The following ADGRE2 variants were observed in gnomAD, a reference collection of about 807,000 sequenced individuals.
The protein encoded by ADGRE2 is adhesion G protein-coupled receptor E2.
ADGRE2 carries 83 observed loss-of-function variants against 100.8 expected under a neutral mutation model. That is an observed-to-expected ratio of 0.82 (90% CI 0.69 to 0.99). The LOEUF (loss-of-function observed/expected upper bound fraction) is 0.99. Among genes scored for constraint, ADGRE2 ranks in the 50% least tolerant of loss-of-function variants. ADGRE2 has a pLI of 0.00. For missense variants in ADGRE2, 814 were observed against 1,035.7 expected, an observed-to-expected ratio of 0.79 and a Z score of 2.94; for synonymous variants, 355 against 413.0, an observed-to-expected ratio of 0.86 and a Z score of 1.70.
downstream of ADGRE2, among the ~76,000 whole-genome samples, chr19:14,729,521 G>A (rs2042654727): frequency 6.6e-6 from 1 of 151,964 alleles, no homozygotes; most frequent in Admixed American, 6.6e-5. Flanking sequence ...ACCATGCCTG[G>A]CTAATATTTT....
At chr19:14,724,554 T>A in the ADGRE2 span, among the ~76,000 whole-genome samples, 2 of 152,110 alleles carry the variant, frequency 1.3e-5, no homozygotes, top group Non-Finnish European at 2.9e-5. Context: ...TCACCTGAGG[T>A]CAGGGGCTCG....
rs549830800 is a variant in ADGRE2, at chr19:14,757,029, A to T, written c.1085-684T>A. On this transcript the variant is annotated intron_variant, in intron 11 of 20. Transcript: ENST00000315576. ...CCAATCCTTCCACCTCAGCCTCCCA[A>T]GTAGCTGGCACTACAGGTGCTCACT... is the stretch of plus-strand genomic sequence containing the variant. Among the ~76,000 whole-genome samples the T allele has an allele frequency of 5.3e-5, 8 of 152,048 alleles. No individual in the cohort carries two copies. In the South Asian group the frequency reaches 1.7e-3, roughly 32 times the overall value.
chr19:14,729,369 T>G (rs527902949), downstream of ADGRE2, among the ~76,000 whole-genome samples: 69 of 152,140 alleles, frequency 4.5e-4, no homozygotes, highest in Non-Finnish European at 8.8e-4. Flanking sequence ...ACTTTTTTTT[T>G]TTGTTTTTTG....
rs1245295901 is a variant in ADGRE2, at chr19:14,736,257, T to C, written c.2464-13A>G. On this transcript the variant is annotated splice_polypyrimidine_tract_variant and intron_variant, in intron 20 of 20. Coordinates refer to ENST00000315576, the MANE Select transcript of ADGRE2 (RefSeq NM_013447.4). ...TTTTCTAGTTAACCTGAAATATATA[T>C]ATATGTATGTATTTTGTTGTTGAGA... The C allele has an allele frequency of 1.3e-6, 2 of 1,499,928 alleles. No homozygotes were observed. Among genetic ancestry groups the C allele is most frequent in the Admixed American group, 3.4e-5 (2 of 58,088 alleles). 92.9% of individuals were successfully genotyped at this position (1,499,928 alleles called of 1,614,324 possible).
rs780140985 is a variant in ADGRE2, at chr19:14,743,527, G to A, written c.2356C>T (p.Arg786Trp). The change falls in exon 20 of 21, where the codon CGG (arginine) becomes TGG (tryptophan). Residue 786 changes from arginine to tryptophan, a missense_variant. Coordinates refer to ENST00000315576, the MANE Select transcript of ADGRE2 (RefSeq NM_013447.4). ...LVYCLLSQQV[R>W]EQYGKWSKGI... The stretch of plus-strand genomic sequence containing the variant: ...TTGGACCATTTCCCATATTGCTCCC[G>A]GACCTGCAGAGGCAAAGTGTGTACT... The A allele has an allele frequency of 1.5e-5, 24 of 1,614,008 alleles. No individual in the cohort carries two copies. The highest frequency in any genetic ancestry group is 1.2e-4 in the South Asian group (11 of 91,070).
chr19:14,737,808 G>A (rs1464608334), intron 20 of ADGRE2, among the ~76,000 whole-genome samples: 2 of 151,700 alleles, frequency 1.3e-5, no homozygotes, highest in Non-Finnish European at 2.9e-5. Flanking sequence ...CTAGAATACA[G>A]TAGTAATAAT....
Position 14,772,710 on chromosome 19 carries a change from A to C in ADGRE2, c.200-213T>G, listed in dbSNP as rs370807332. On this transcript the variant is annotated intron_variant, in intron 4 of 20. Coordinates refer to ENST00000315576, the MANE Select transcript of ADGRE2 (RefSeq NM_013447.4). ...TCTCTGGCTGGCATCCTAGATTTGG[A>C]CACAGTGGACAGTGCTGAGGTGGGG... Among the ~76,000 whole-genome samples the C allele has an allele frequency of 3.4e-5, 5 of 148,746 alleles. No individual in the cohort carries two copies. The East Asian group carries it at 5.9e-4, about 17-fold the overall frequency.
In ADGRE2 at chr19:14,732,561, G is replaced by C. The variant is rs1380513557; in HGVS notation, c.*3675C>G. The C allele has an allele frequency of 6.6e-6, 1 of 152,154 alleles. No homozygotes were observed. The highest frequency in any genetic ancestry group is 2.4e-5 in the African/African-American group (1 of 41,424). The allele number at this position is 152,154 out of a possible 1,614,324, so 9.4% of individuals were successfully genotyped here. A position where few individuals can be genotyped will look rare whatever the true frequency, so the allele number is the denominator to read the frequency against. ...CCATGAACCTGAACATCATGGTCTG[G>C]AAACTATGGGCAGTGAGTCAAATCT... On this transcript the variant is annotated 3_prime_UTR_variant, in exon 21 of 21. Coordinates refer to ENST00000315576, the MANE Select transcript of ADGRE2 (RefSeq NM_013447.4).
chr19:14,764,224 C>A (rs1322176044), intron 11 of ADGRE2, among the ~76,000 whole-genome samples: 1 of 85,578 alleles, frequency 1.2e-5, no homozygotes, highest in Non-Finnish European at 2.2e-5. Flanking sequence ...TCACATCTGT[C>A]TAATTTAAAA....
At chr19:14,753,233 CAG>C (rs2043359204) in intron 14 of ADGRE2, among the ~76,000 whole-genome samples, 2 of 151,986 alleles carry the variant, frequency 1.3e-5, no homozygotes, top group African/African-American at 4.8e-5. Flanking sequence ...TAAAGAAAGA[CAG>C]AGAGTTGGCA....
rs2043946018 is a variant in ADGRE2 at position 14,765,781 on chromosome 19, G to A, written c.658C>T (p.Gln220Ter). 2 of 1,613,154 alleles carry A rather than the reference G, an allele frequency of 1.2e-6. No individual in the cohort carries two copies. Among genetic ancestry groups the A allele is most frequent in the South Asian group, 1.1e-5 (1 of 91,070 alleles). ...CEDVDECSSGQHQCDSSTVCF... is the reference protein window; with the variant it reads ...CEDVDECSSG Reference sequence around the variant, plus strand: ...ACGGTGGAGCTGTCACACTGATGCTGCCCGGAGCTGCACTCGTCCACATCT... The same window carrying A: ...ACGGTGGAGCTGTCACACTGATGCTACCCGGAGCTGCACTCGTCCACATCT... The change falls in exon 8 of 21, where the codon CAG becomes TAG. Residue 220 changes from glutamine to a stop codon, truncating the protein, a stop_gained. Coordinates refer to ENST00000315576, the MANE Select transcript of ADGRE2 (RefSeq NM_013447.4). LOFTEE classifies it high-confidence loss of function.
chr19:14,772,936 G>A (rs928820659), intron 4 of ADGRE2, among the ~76,000 whole-genome samples: 9 of 151,492 alleles, frequency 5.9e-5, no homozygotes, highest in African/African-American at 1.5e-4. Context: ...AAAACTAGCC[G>A]GGCATGGTGG....
rs1404931583 is a variant in ADGRE2 at position 14,750,261 on chromosome 19, T to C, written c.2024+1175A>G. Among the ~76,000 whole-genome samples, 5 of 73,202 alleles carry C rather than the reference T, an allele frequency of 6.8e-5. 2 individuals are homozygous for C. The East Asian group carries it at 3.9e-3, about 57-fold the overall frequency. The allele number at this position is 73,202 out of a possible 152,430, so 48.0% of individuals were successfully genotyped here. A position where few individuals can be genotyped will look rare whatever the true frequency, so the allele number is the denominator to read the frequency against. On this transcript the variant is annotated intron_variant, in intron 16 of 20. Transcript: ENST00000315576. Reference sequence around the variant, plus strand: ...AAATTACATATAAAATAATCTAATATAATTATATAATTATATGATTATCTA... The same window carrying C: ...AAATTACATATAAAATAATCTAATACAATTATATAATTATATGATTATCTA...
rs564631488 is a variant in ADGRE2, at chr19:14,736,939, A to G, written c.2464-695T>C. On this transcript the variant is annotated intron_variant, in intron 20 of 20. Coordinates refer to ENST00000315576, the MANE Select transcript of ADGRE2 (RefSeq NM_013447.4). ...GAAATATATATATATTTAGAAATAT[A>G]TATGACTATAGAAAGAAAACCTATA... is the stretch of plus-strand genomic sequence containing the variant. Among the ~76,000 whole-genome samples the G allele has an allele frequency of 1.8e-4, 21 of 114,014 alleles. No individual in the cohort carries two copies. The South Asian group carries it at 4.2e-3, about 23-fold the overall frequency. The allele number at this position is 114,014 out of a possible 152,430, so 74.8% of individuals were successfully genotyped here. A position where few individuals can be genotyped will look rare whatever the true frequency, so the allele number is the denominator to read the frequency against.
intron 2 of ADGRE2, among the ~76,000 whole-genome samples, chr19:14,775,011 A>G (rs1164081243): frequency 6.7e-6 from 1 of 149,118 alleles, no homozygotes; most frequent in Non-Finnish European, 1.5e-5. Flanking sequence ...TTTATTATTT[A>G]TTTTTTTTTG....
chr19:14,740,089 A>C (rs1444011189), intron 20 of ADGRE2, among the ~76,000 whole-genome samples: 1 of 144,970 alleles, frequency 6.9e-6, no homozygotes, highest in Non-Finnish European at 1.5e-5. Context: ...TGACAGAGCG[A>C]GTGAGACTCT....
At chr19:14,749,615 T>C (rs1217203863) in intron 16 of ADGRE2, among the ~76,000 whole-genome samples, 1 of 143,684 alleles carries the variant, frequency 7.0e-6, no homozygotes, top group Admixed American at 7.0e-5. Flanking sequence ...TATAATTATT[T>C]ATAGTTACAT....
intron 16 of ADGRE2, among the ~76,000 whole-genome samples, chr19:14,749,386 A>T (rs1344511087): frequency 7.0e-6 from 1 of 142,546 alleles, no homozygotes; most frequent in African/African-American, 2.5e-5. Context: ...CATATTATTT[A>T]TAGTTATATA....
intron 14 of ADGRE2, 40 bp downstream of exon 14, chr19:14,754,914 G>A (rs1280138185): frequency 3.1e-6 from 5 of 1,589,294 alleles, no homozygotes; most frequent in East Asian, 2.3e-5. Context: ...TTTGTTACAC[G>A]GCAATAAATG....
Sources: gnomAD v4.1 joint callset for allele counts (sites outside exome capture counted in the v4.1 genomes callset) on GRCh38, gnomAD v4.1.1 for gene constraint, MANE v1.5 for transcripts, NCBI Gene and HGNC (gene_info 2026-07-23, HGNC 2026-07-21) for gene names.